ZNF140: variants seen among roughly 807,000 people sequenced by gnomAD.
ZNF140 encodes the protein zinc finger protein 140 (clone pHZ-39).
In ZNF140, 13 loss-of-function variants were observed where a neutral mutation model predicts 12.9. The observed-to-expected ratio is 1.01, with a 90% CI of 0.66 to 1.60. The LOEUF (loss-of-function observed/expected upper bound fraction) is 1.60, where lower values mean the gene tolerates loss of function less well. Ranked by LOEUF, ZNF140 falls within the 40% of genes most tolerant of loss-of-function variation. The pLI, the probability that ZNF140 is intolerant of heterozygous loss-of-function variation, is 0.00. For missense variants in ZNF140, 531 were observed against 548.8 expected, an observed-to-expected ratio of 0.97 and a Z score of 0.32; for synonymous variants, 214 against 186.7, an observed-to-expected ratio of 1.15 and a Z score of -1.19.
At chr12:133,104,586 C>T (rs1289189583) in intron 4 of ZNF140, among the ~76,000 whole-genome samples, 3 of 152,084 alleles carry the variant, frequency 2.0e-5, no homozygotes, top group African/African-American at 4.8e-5. Flanking sequence ...CTCCTGACCT[C>T]ATGATCTGCC....
intron 1 of ZNF140, 77 bp from the exon 2 acceptor site, chr12:133,081,196 C>A (rs1385567001): frequency 8.3e-6 from 5 of 602,700 alleles, no homozygotes; most frequent in Non-Finnish European, 1.5e-5. Flanking sequence ...CCACGGGAAT[C>A]CCCAGTGCGG....
intron 4 of ZNF140, among the ~76,000 whole-genome samples, chr12:133,088,642 T>C (rs1347936758): frequency 2.6e-5 from 4 of 152,238 alleles, no homozygotes; most frequent in Non-Finnish European, 5.9e-5. Flanking sequence ...CTGGGTCATA[T>C]GGTAAGAATA....
chr12:133,089,313 A>C (rs1286726197), intron 4 of ZNF140, among the ~76,000 whole-genome samples: 1 of 151,600 alleles, frequency 6.6e-6, no homozygotes, highest in Non-Finnish European at 1.5e-5. Flanking sequence ...CCCCCGGCCC[A>C]GGTGATCCTC....
At chr12:133,098,470 C>T (rs1955218142) in intron 4 of ZNF140, among the ~76,000 whole-genome samples, 1 of 151,828 alleles carries the variant, frequency 6.6e-6, no homozygotes, top group Non-Finnish European at 1.5e-5. Flanking sequence ...AAACTCCTGA[C>T]CTTAAGTAAT....
In ZNF140 at chr12:133,105,643, A is replaced by G. The variant is rs1955564617; in HGVS notation, c.366A>G (p.Lys122=). 6.2e-7 allele frequency: 1 copy of G among 1,614,212 alleles called. No individual in the cohort carries two copies. Among genetic ancestry groups the G allele is most frequent in the Non-Finnish European group, 8.5e-7 (1 of 1,180,040 alleles). ...ATTCCAGTTTTAAAGGAGGCTGGAA[A>G]TGCAAGGATCATACTGAGATGCTGC... ...PVYSSFKGGW[K]CKDHTEMLQE... The change falls in exon 5 of 5, where the codon AAA becomes AAG. Residue 122 remains lysine (K), a synonymous_variant. Transcript: ENST00000355557.
At position 133,107,322 on chromosome 12, in the gene ZNF140, G is replaced by C. The variant is rs1477865784; in HGVS notation, c.*671G>C. 1 of 152,206 alleles carries C rather than the reference G, an allele frequency of 6.6e-6. No individual in the cohort carries two copies. The highest frequency in any genetic ancestry group is 1.5e-5 in the Non-Finnish European group (1 of 68,032). 9.4% of individuals were successfully genotyped at this position (152,206 alleles called of 1,614,324 possible). On this transcript the variant is annotated 3_prime_UTR_variant, in exon 5 of 5. Coordinates refer to ENST00000355557, the MANE Select transcript of ZNF140 (RefSeq NM_003440.4). Reference sequence around the variant, plus strand: ...CTTAGATATCTGAAAAGTCATACTGGATGGAATCTGTAGGAAACGGTTCTA... The same window carrying C: ...CTTAGATATCTGAAAAGTCATACTGCATGGAATCTGTAGGAAACGGTTCTA...
intron 2 of ZNF140, 50 bp downstream of exon 2, chr12:133,081,379 A>ATATATT: frequency 4.5e-6 from 1 of 221,452 alleles, no homozygotes; most frequent in Non-Finnish European, 7.6e-6. Context: ...ATAAATTTTT[A>ATATATT]TTTTTTTTTT....
chr12:133,096,325 G>A (rs1955125254), intron 4 of ZNF140, among the ~76,000 whole-genome samples: 1 of 152,106 alleles, frequency 6.6e-6, no homozygotes, highest in South Asian at 2.1e-4. Flanking sequence ...GTGAGCTCCA[G>A]GTTGGGTCAA....
At chr12:133,092,754 C>T (rs1252982302) in intron 4 of ZNF140, among the ~76,000 whole-genome samples, 1 of 151,136 alleles carries the variant, frequency 6.6e-6, no homozygotes, top group African/African-American at 2.5e-5. Context: ...AGAGATGGAG[C>T]CTGTGAACAT....
intron 4 of ZNF140, among the ~76,000 whole-genome samples, chr12:133,089,705 A>G (rs1183101010): frequency 3.3e-5 from 5 of 152,028 alleles, no homozygotes; most frequent in Non-Finnish European, 7.4e-5. Flanking sequence ...GCCCCCTTTC[A>G]TTGCTGATAT....
intron 4 of ZNF140, among the ~76,000 whole-genome samples, chr12:133,092,679 G>T (rs994925351): frequency 6.6e-6 from 1 of 151,104 alleles, no homozygotes; most frequent in South Asian, 2.1e-4. Flanking sequence ...GGTGATTCTA[G>T]CCTTCTGTAA....
chr12:133,084,138 A>G, intron 4 of ZNF140: 1 of 430,654 alleles, frequency 2.3e-6, no homozygotes, highest in South Asian at 1.7e-5. Context: ...TCCCATTGTT[A>G]GTTCTGTCTG....
chr12:133,100,451 C>G (rs1211485785), intron 4 of ZNF140, among the ~76,000 whole-genome samples: 1 of 152,142 alleles, frequency 6.6e-6, no homozygotes, highest in Non-Finnish European at 1.5e-5. Flanking sequence ...TCTGGGATGA[C>G]AGGCATGAGC....
In ZNF140 at chr12:133,105,521, A is replaced by C. The variant is rs1955560500; in HGVS notation, c.244A>C (p.Ser82Arg). 4 of 1,598,580 alleles carry C rather than the reference A, an allele frequency of 2.5e-6. No homozygotes were observed. The South Asian group carries it at 4.5e-5, about 18-fold the overall frequency. ...TTGGTATCTTTCAGTTTCAGAGTCA[A>C]GTGGTGAGATCAAAGACTTTTCACC... Reference protein sequence around the residue: ...KRDLFSVSESSGEIKDFSPKN... With the variant: ...KRDLFSVSESRGEIKDFSPKN... Residue 82 changes from serine (S) to arginine (R), a missense_variant, in exon 5 of 5, where the codon AGT (serine) becomes CGT (arginine). Ser to Arg is a moderately radical substitution (Grantham distance 110). Transcript: ENST00000355557.
In ZNF140 at chr12:133,105,819, G is replaced by C. The variant is rs1379710650; in HGVS notation, c.542G>C (p.Arg181Thr). ...GRRFSLVLHQRTHTGEKPYAC... is the reference protein window; with the variant it reads ...GRRFSLVLHQTTHTGEKPYAC... Reference sequence around the variant, plus strand: ...CGCTTTTCCCTGGTGTTACACCAGAGGACTCATACTGGAGAGAAACCATAT... The same window carrying C: ...CGCTTTTCCCTGGTGTTACACCAGACGACTCATACTGGAGAGAAACCATAT... The change falls in exon 5 of 5, where the codon AGG (arginine) becomes ACG (threonine). Residue 181 changes from arginine to threonine, a missense_variant. By Grantham distance (71) the Arg-to-Thr change is moderately conservative (BLOSUM62 -1). Coordinates refer to ENST00000355557, the MANE Select transcript of ZNF140 (RefSeq NM_003440.4). 7.4e-6 allele frequency: 12 copies of C among 1,614,192 alleles called. No homozygotes were observed. The highest frequency in any genetic ancestry group is 1.0e-5 in the Non-Finnish European group (12 of 1,180,044).
intron 4 of ZNF140, among the ~76,000 whole-genome samples, chr12:133,092,054 T>G (rs1954909922): frequency 6.6e-6 from 1 of 151,246 alleles, no homozygotes; most frequent in Admixed American, 6.6e-5. Flanking sequence ...TATTTGAGTC[T>G]GAGAATTCCA....
At chr12:133,102,827 G>C (rs1955401260) in intron 4 of ZNF140, among the ~76,000 whole-genome samples, 1 of 152,068 alleles carries the variant, frequency 6.6e-6, no homozygotes. Context: ...AATCCATTTG[G>C]CATCTACTAA....
chr12:133,104,398 T>C lies in ZNF140; in HGVS notation c.233-1112T>C, dbSNP rs377208436. On this transcript the variant is annotated intron_variant, in intron 4 of 4. Transcript: ENST00000355557. ...ACAGACTCTCGCTCTGTCACCCAGG[T>C]TGGAGTGCAGTGGCGCAATCTCGGT... Among the ~76,000 whole-genome samples, 862 of 150,988 alleles carry C rather than the reference T, an allele frequency of 5.7e-3. 4 individuals carry two copies. The highest frequency in any genetic ancestry group is 0.02 in the African/African-American group (819 of 40,986).
intron 4 of ZNF140, among the ~76,000 whole-genome samples, chr12:133,100,344 A>AT (rs1322054573): frequency 1.3e-5 from 2 of 151,636 alleles, no homozygotes; most frequent in African/African-American, 4.9e-5. Context: ...ATTTAAAAAA[A>AT]TTTTTTTAGA....
Sources: allele counts gnomAD v4.1 joint callset (sites outside exome capture counted in the v4.1 genomes callset), GRCh38; gene constraint gnomAD v4.1.1; transcripts MANE v1.5; gene names NCBI Gene and HGNC (gene_info 2026-07-23, HGNC 2026-07-21).